Variants in FILIP1L observed in about 807,000 individuals in gnomAD.
The protein encoded by FILIP1L is filamin A-interacting protein 1-like.
Under a neutral mutation model 96.6 loss-of-function variants are expected in FILIP1L, and 55 were observed. The observed-to-expected ratio is 0.57, with a 90% confidence interval of 0.46 to 0.71. The LOEUF (loss-of-function observed/expected upper bound fraction) is 0.71, where lower values mean the gene tolerates loss of function less well. Among genes scored for constraint, FILIP1L ranks in the 30% least tolerant of loss-of-function variants. FILIP1L has a pLI of 0.00. For synonymous variants in FILIP1L, 467 were observed against 473.9 expected, an observed-to-expected ratio of 0.99 and a Z score of 0.19; for missense variants, 1,304 against 1,321.2, an observed-to-expected ratio of 0.99 and a Z score of 0.20.
At chr3:99,909,531 T>G (rs932481789) in intron 4 of FILIP1L, among the ~76,000 whole-genome samples, 113 of 152,174 alleles carry the variant, frequency 7.4e-4, no homozygotes, top group African/African-American at 2.7e-3. Flanking sequence ...ACATAATCAT[T>G]CATGGCAAGG....
chr3:99,983,464 GTA>G (rs1191587665), intron 1 of FILIP1L, among the ~76,000 whole-genome samples: 231 of 12,638 alleles, frequency 0.018, 4 homozygotes, highest in South Asian at 0.15. Flanking sequence ...ATATATGTGT[GTA>G]TATATATATA....
intron 1 of FILIP1L, among the ~76,000 whole-genome samples, chr3:99,942,089 C>T (rs1222408573): frequency 3.3e-5 from 5 of 151,598 alleles, no homozygotes; most frequent in East Asian, 3.9e-4. Context: ...TGGTGGTGGG[C>T]GCCTGTAGTC....
At chr3:99,866,434 T>C (rs2107570158) in intron 4 of FILIP1L, among the ~76,000 whole-genome samples, 1 of 152,278 alleles carries the variant, frequency 6.6e-6, no homozygotes, top group East Asian at 1.9e-4. Context: ...CAGATGCCTA[T>C]GTTTTACTGT....
At chr3:99,989,513 T>C (rs1709449676) in intron 1 of FILIP1L, among the ~76,000 whole-genome samples, 1 of 152,232 alleles carries the variant, frequency 6.6e-6, no homozygotes, top group African/African-American at 2.4e-5. Flanking sequence ...CATTTCCTTA[T>C]TGGAGCTGTG....
intron 4 of FILIP1L, among the ~76,000 whole-genome samples, chr3:99,908,930 A>G (rs1034848350): frequency 1.3e-5 from 2 of 152,040 alleles, no homozygotes; most frequent in Non-Finnish European, 2.9e-5. Context: ...TCAGGGATTT[A>G]GTTAAAATTC....
intron 1 of FILIP1L, among the ~76,000 whole-genome samples, chr3:100,052,375 A>T (rs1009337098): frequency 2.0e-5 from 3 of 152,218 alleles, no homozygotes; most frequent in African/African-American, 7.2e-5. Context: ...TCCAGGGGGA[A>T]CTTTTGTTCC....
rs1317986233 is a variant in FILIP1L, at chr3:99,957,454, A to G, written c.-10-26424T>C. Among the ~76,000 whole-genome samples, 5 of 151,384 alleles carry G rather than the reference A, an allele frequency of 3.3e-5. No homozygotes were observed. In the East Asian group the frequency reaches 5.8e-4, roughly 18 times the overall value. ...ATTATGTATCTACACATATGTGTGT[A>G]TATATATATAGAGAGAGAGACATGA... On this transcript the variant is annotated intron_variant, in intron 1 of 5. Coordinates refer to ENST00000477258, the MANE Select transcript of FILIP1L (RefSeq NM_001387850.1).
chr3:100,030,019 C>G (rs1381695141), intron 1 of FILIP1L, among the ~76,000 whole-genome samples: 1 of 152,098 alleles, frequency 6.6e-6, no homozygotes, highest in Non-Finnish European at 1.5e-5. Context: ...TCACATTTCT[C>G]TAGCATGGAA....
chr3:100,050,397 T>C lies in FILIP1L; in HGVS notation c.-11+63656A>G, dbSNP rs115681374. On this transcript the variant is annotated intron_variant, in intron 1 of 5. Transcript: ENST00000477258. ...GCTCAGTATGAAAATTTTAAATCTC[T>C]TAAAATTGATTATAAAATGTTTTAA... Among the ~76,000 whole-genome samples the C allele has an allele frequency of 9.2e-3, 1,405 of 152,340 alleles. 9 individuals are homozygous for C. The highest frequency in any genetic ancestry group is 0.027 in the Middle Eastern group (8 of 294).
At chr3:100,034,600 C>G (rs1489874108) in intron 1 of FILIP1L, among the ~76,000 whole-genome samples, 2 of 152,158 alleles carry the variant, frequency 1.3e-5, no homozygotes, top group Non-Finnish European at 2.9e-5. Flanking sequence ...AAACATGCTT[C>G]CTTATCAGTA....
intron 1 of FILIP1L, among the ~76,000 whole-genome samples, chr3:100,093,113 GT>G (rs1033780449): frequency 6.6e-6 from 1 of 151,964 alleles, no homozygotes; most frequent in African/African-American, 2.4e-5. Flanking sequence ...AAAAGAAAAG[GT>G]TAGCTCATTT....
rs577108272 is a variant in FILIP1L, at chr3:99,973,789, G to A, written c.-10-42759C>T. 1.4e-4 allele frequency among the ~76,000 whole-genome samples: 22 copies of A among 152,296 alleles called. No individual in the cohort carries two copies. In the East Asian group the frequency reaches 4.1e-3, roughly 28 times the overall value. The stretch of plus-strand genomic sequence containing the variant: ...AATGAAGGCAGAGATTGGGATGCAG[G>A]TATCATGTTAGATGTTAAATACCTC... On this transcript the variant is annotated intron_variant, in intron 1 of 5. Transcript: ENST00000477258.
At chr3:100,006,087 C>T (rs951271798) in intron 1 of FILIP1L, among the ~76,000 whole-genome samples, 2 of 152,084 alleles carry the variant, frequency 1.3e-5, no homozygotes, top group African/African-American at 4.8e-5. Flanking sequence ...GACCAGAAAG[C>T]CCTTAGCCGT....
At chr3:99,838,118 C>T (rs909574722) in intron 5 of FILIP1L, among the ~76,000 whole-genome samples, 2 of 152,192 alleles carry the variant, frequency 1.3e-5, no homozygotes, top group Non-Finnish European at 2.9e-5. Flanking sequence ...GTGCCCTTTG[C>T]TTATAGAATC....
chr3:100,083,925 G>T (rs191163455), intron 1 of FILIP1L, among the ~76,000 whole-genome samples: 44 of 152,282 alleles, frequency 2.9e-4, no homozygotes, highest in South Asian at 1.9e-3. Flanking sequence ...AAGTACTAAG[G>T]TTGTGAGCAT....
chr3:99,987,075 C>T (rs536409255), intron 1 of FILIP1L, among the ~76,000 whole-genome samples: 1 of 151,368 alleles, frequency 6.6e-6, no homozygotes, highest in East Asian at 2.0e-4. Context: ...CAAAAAAATA[C>T]AAAAATTAGC....
intron 1 of FILIP1L, among the ~76,000 whole-genome samples, chr3:99,971,164 C>A (rs561218866): frequency 6.6e-6 from 1 of 151,956 alleles, no homozygotes; most frequent in Non-Finnish European, 1.5e-5. Context: ...GGTGAAACCC[C>A]GTCTCTACTA....
intron 1 of FILIP1L, among the ~76,000 whole-genome samples, chr3:99,956,205 C>T (rs537648141): frequency 4.5e-4 from 69 of 152,294 alleles, no homozygotes; most frequent in African/African-American, 1.6e-3. Flanking sequence ...CACTCTCACC[C>T]TTCACAAACA....
chr3:99,951,682 G>A (rs1170108692), intron 1 of FILIP1L, among the ~76,000 whole-genome samples: 2 of 152,178 alleles, frequency 1.3e-5, no homozygotes, highest in Non-Finnish European at 2.9e-5. Context: ...GCCACCTTAT[G>A]TCTCTTCCCT....
Sources: allele counts gnomAD v4.1 joint callset (sites outside exome capture counted in the v4.1 genomes callset), GRCh38; gene constraint gnomAD v4.1.1; transcripts MANE v1.5; gene names NCBI Gene and HGNC (gene_info 2026-07-23, HGNC 2026-07-21).